The following RASSF3 variants were observed in gnomAD, a reference collection of about 807,000 sequenced individuals.
RASSF3 encodes the protein ras association domain-containing protein 3.
RASSF3 carries 19 observed loss-of-function variants against 19.9 expected under a neutral mutation model. That is an observed-to-expected ratio of 0.96 (90% CI 0.67 to 1.40). The LOEUF is 1.40. Among genes scored for constraint, RASSF3 ranks in the 40% most tolerant of loss-of-function variants. The probability of loss-of-function intolerance (pLI) is 0.00; values close to 1 mark genes in which losing one functional copy is unlikely to be tolerated. For missense variants in RASSF3, 306 were observed against 289.8 expected (o/e 1.06, Z -0.41); for synonymous variants, 110 against 104.2 (o/e 1.06, Z -0.34).
At chr12:64,544,645 G>A (rs759703813), downstream of RASSF3, among the ~76,000 whole-genome samples, 1 of 152,044 alleles carries the variant, frequency 6.6e-6, no homozygotes, top group African/African-American at 2.4e-5. Flanking sequence ...TTTTTTCAAC[G>A]GTTTGGGGGC....
intron 1 of RASSF3, among the ~76,000 whole-genome samples, chr12:64,652,122 G>A (rs916510141): frequency 3.6e-4 from 55 of 152,310 alleles, no homozygotes; most frequent in African/African-American, 1.2e-3. Context: ...CAATATATTG[G>A]TTATTTCCTT....
At chr12:64,627,809 A>C (rs1302671878) in intron 1 of RASSF3, among the ~76,000 whole-genome samples, 13 of 152,220 alleles carry the variant, frequency 8.5e-5, no homozygotes, top group Admixed American at 8.5e-4. Flanking sequence ...TTTATTAAAT[A>C]GCAGAGATAA....
intron 1 of RASSF3, among the ~76,000 whole-genome samples, chr12:64,612,049 T>G (rs1310217754): frequency 6.6e-6 from 1 of 152,194 alleles, no homozygotes; most frequent in Non-Finnish European, 1.5e-5. Context: ...ACGAGTCACT[T>G]TGAGTGGGAT....
intron 1 of RASSF3, among the ~76,000 whole-genome samples, chr12:64,511,189 G>C (rs915373572): frequency 1.3e-5 from 2 of 152,218 alleles, no homozygotes; most frequent in African/African-American, 4.8e-5. Context: ...TGCAGAAACA[G>C]GACTGGCATT....
At chr12:64,584,839 T>C (rs1869766632) in intron 2 of RASSF3, among the ~76,000 whole-genome samples, 1 of 151,410 alleles carries the variant, frequency 6.6e-6, no homozygotes, top group Non-Finnish European at 1.5e-5. Flanking sequence ...ACCTGTTCAA[T>C]GTTGTTCTCA....
At chr12:64,602,272 A>AT (rs564425315) in intron 2 of RASSF3, among the ~76,000 whole-genome samples, 14,252 of 143,536 alleles carry the variant, frequency 0.099, 767 homozygotes, top group African/African-American at 0.11. Flanking sequence ...CCTCATCTCT[A>AT]TTTTTTTTTT....
At chr12:64,520,296 G>C (rs1471612163) in intron 1 of RASSF3, among the ~76,000 whole-genome samples, 14 of 151,256 alleles carry the variant, frequency 9.3e-5, no homozygotes, top group Non-Finnish European at 4.4e-5. Context: ...CCAAGTAGCT[G>C]GGACTACAGG....
At chr12:64,620,945 A>G (rs962453871) in intron 1 of RASSF3, among the ~76,000 whole-genome samples, 1 of 152,002 alleles carries the variant, frequency 6.6e-6, no homozygotes, top group Non-Finnish European at 1.5e-5. Flanking sequence ...TTTTTAAATT[A>G]TTATTTTTTG....
At chr12:64,556,686 C>T (rs1869261633) in intron 2 of RASSF3, among the ~76,000 whole-genome samples, 1 of 152,082 alleles carries the variant, frequency 6.6e-6, no homozygotes, top group Admixed American at 6.5e-5. Context: ...ACAGCTGCCA[C>T]AGTTCACCCC....
chr12:64,638,054 T>A (rs1287505918), intron 1 of RASSF3, among the ~76,000 whole-genome samples: 1 of 151,834 alleles, frequency 6.6e-6, no homozygotes, highest in Non-Finnish European at 1.5e-5. Flanking sequence ...ATGGTCTCCA[T>A]CTCTTGACCT....
chr12:64,647,354 T>C (rs1871771650), intron 1 of RASSF3, among the ~76,000 whole-genome samples: 1 of 151,910 alleles, frequency 6.6e-6, no homozygotes, highest in South Asian at 2.1e-4. Flanking sequence ...GCTCAAGTGA[T>C]CTTCCTGAGC....
chr12:64,565,670 G>A (rs1465575825), intron 2 of RASSF3, among the ~76,000 whole-genome samples: 2 of 152,084 alleles, frequency 1.3e-5, no homozygotes, highest in East Asian at 1.9e-4. Flanking sequence ...CCAAGATCAC[G>A]CCATTGCACT....
chr12:64,574,807 C>G (rs796992468), intron 2 of RASSF3, among the ~76,000 whole-genome samples: 12 of 152,324 alleles, frequency 7.9e-5, no homozygotes, highest in African/African-American at 2.9e-4. Context: ...GCAGAGTGAT[C>G]TAGCTAAGCA....
At chr12:64,638,095 GT>G (rs1871384554) in intron 1 of RASSF3, among the ~76,000 whole-genome samples, 1 of 152,072 alleles carries the variant, frequency 6.6e-6, no homozygotes, top group Non-Finnish European at 1.5e-5. Context: ...TGCCCAAAGT[GT>G]TGGGATTATA....
chr12:64,524,242 A>G (rs1868538430), intron 1 of RASSF3, among the ~76,000 whole-genome samples: 1 of 149,408 alleles, frequency 6.7e-6, no homozygotes, highest in African/African-American at 2.5e-5. Flanking sequence ...TTATTTATTT[A>G]TTTATTTATT....
At chr12:64,605,706 A>G (rs1478259937), upstream of RASSF3, among the ~76,000 whole-genome samples, 3 of 152,090 alleles carry the variant, frequency 2.0e-5, no homozygotes, top group Non-Finnish European at 2.9e-5. Context: ...CCTGACCAAG[A>G]TGGAGAAACC....
chr12:64,613,716 T>A (rs1012082126), intron 1 of RASSF3, among the ~76,000 whole-genome samples: 3 of 151,942 alleles, frequency 2.0e-5, no homozygotes, highest in African/African-American at 7.2e-5. Context: ...GAGGCTGAGA[T>A]GGGAGGATTG....
intron 1 of RASSF3, among the ~76,000 whole-genome samples, chr12:64,650,399 T>C (rs966394089): frequency 7.3e-6 from 1 of 137,596 alleles, no homozygotes; most frequent in Non-Finnish European, 1.5e-5. Flanking sequence ...AGGTGTTTCT[T>C]TTTTTTTCCT....
intron 4 of RASSF3, among the ~76,000 whole-genome samples, chr12:64,693,126 C>T (rs1868308355): frequency 6.7e-6 from 1 of 149,500 alleles, no homozygotes; most frequent in Non-Finnish European, 1.5e-5. Context: ...AAGTTTTGCT[C>T]TCCTACTCCA....
Sources: allele counts gnomAD v4.1 joint callset (sites outside exome capture counted in the v4.1 genomes callset), GRCh38; gene constraint gnomAD v4.1.1; transcripts MANE v1.5; gene names NCBI Gene and HGNC (gene_info 2026-07-23, HGNC 2026-07-21).